The following CCDC171 variants were observed in gnomAD, a reference collection of about 807,000 sequenced individuals.
The protein encoded by CCDC171 is coiled-coil domain containing 171.
Under a neutral mutation model 168.2 loss-of-function variants are expected in CCDC171, and 177 were observed. That is an observed-to-expected ratio of 1.05 (90% CI 0.93 to 1.19). CCDC171 has a LOEUF of 1.19. CCDC171 is among the 50% of genes most tolerant of loss of function. The probability of loss-of-function intolerance (pLI) is 0.00; values close to 1 mark genes in which losing one functional copy is unlikely to be tolerated. For synonymous variants in CCDC171, 687 were observed against 540.8 expected, an observed-to-expected ratio of 1.27 and a Z score of -3.75; for missense variants, 1,991 against 1,539.0, an observed-to-expected ratio of 1.29 and a Z score of -4.91.
intron 21 of CCDC171, among the ~76,000 whole-genome samples, chr9:15,827,375 C>T (rs1332940648): frequency 6.6e-6 from 1 of 152,068 alleles, no homozygotes; most frequent in Non-Finnish European, 1.5e-5. Context: ...AGTGGTTTTA[C>T]AACTTGAGCC....
chr9:15,881,533 A>G (rs969138820), intron 24 of CCDC171, among the ~76,000 whole-genome samples: 2 of 152,166 alleles, frequency 1.3e-5, no homozygotes, highest in East Asian at 1.9e-4. Flanking sequence ...ATTATTGTAA[A>G]CTGTAGTTAC....
chr9:15,630,755 G>T (rs1164960307), intron 7 of CCDC171, among the ~76,000 whole-genome samples: 1 of 152,020 alleles, frequency 6.6e-6, no homozygotes, highest in Non-Finnish European at 1.5e-5. Flanking sequence ...CTCCAAAATT[G>T]ACCACATAGT....
chr9:15,906,512 G>A (rs369445905), intron 24 of CCDC171, among the ~76,000 whole-genome samples: 2 of 152,276 alleles, frequency 1.3e-5, no homozygotes, highest in East Asian at 3.9e-4. Flanking sequence ...AGGTATTGAT[G>A]GGACTTATCT....
chr9:15,616,892 T>C (rs1203996167), intron 6 of CCDC171, among the ~76,000 whole-genome samples: 1 of 152,190 alleles, frequency 6.6e-6, no homozygotes, highest in Admixed American at 6.5e-5. Context: ...GACTGGGTAA[T>C]TTATAAAGGA....
chr9:15,762,112 G>T (rs1458437872), intron 18 of CCDC171, among the ~76,000 whole-genome samples: 1 of 147,082 alleles, frequency 6.8e-6, no homozygotes, highest in Non-Finnish European at 1.5e-5. Flanking sequence ...AACACATTTT[G>T]TAGTTTATGG....
In CCDC171 at chr9:15,869,748, A is replaced by G. The variant is rs79610569; in HGVS notation, c.3469-4784A>G. 6.0e-3 allele frequency among the ~76,000 whole-genome samples: 913 copies of G among 151,924 alleles called. 14 individuals carry two copies. The highest frequency in any genetic ancestry group is 0.021 in the African/African-American group (859 of 41,502). Reference sequence around the variant, plus strand: ...CCAGTCAAGATGTGTACTAGACTATATAAAACTTGAAAATGTATCAGGAGA... The same window carrying G: ...CCAGTCAAGATGTGTACTAGACTATGTAAAACTTGAAAATGTATCAGGAGA... On this transcript the variant is annotated intron_variant, in intron 23 of 25. Coordinates refer to ENST00000380701, the MANE Select transcript of CCDC171 (RefSeq NM_173550.4).
intron 1 of CCDC171, among the ~76,000 whole-genome samples, chr9:16,051,107 A>G (rs1476728292): frequency 6.6e-6 from 1 of 152,220 alleles, no homozygotes; most frequent in Non-Finnish European, 1.5e-5. Context: ...TGTTTCTCAA[A>G]TAAATTCCCC....
chr9:15,805,785 C>G (rs762698831), intron 21 of CCDC171, among the ~76,000 whole-genome samples: 11 of 152,070 alleles, frequency 7.2e-5, no homozygotes, highest in Non-Finnish European at 1.0e-4. Context: ...GAGCTAAGTT[C>G]AGGTCCTGAA....
chr9:15,613,583 C>G lies in CCDC171; in HGVS notation c.676-9684C>G, dbSNP rs1268992278. On this transcript the variant is annotated intron_variant, in intron 6 of 25. Transcript: ENST00000380701. ...CTGTCGCCAGGCTGGAGTGCAGTGA[C>G]ACGGTCTTGGCTAACTGCAGCCTCC... Among the ~76,000 whole-genome samples the G allele has an allele frequency of 2.0e-5, 3 of 148,848 alleles. No homozygotes were observed. In the East Asian group the frequency reaches 5.9e-4, roughly 29 times the overall value.
At chr9:15,662,834 A>T (rs950074209) in intron 8 of CCDC171, among the ~76,000 whole-genome samples, 1 of 151,930 alleles carries the variant, frequency 6.6e-6, no homozygotes, top group Non-Finnish European at 1.5e-5. Flanking sequence ...TACCAAAATT[A>T]GCTGGGTGTG....
the CCDC171 span, among the ~76,000 whole-genome samples, chr9:16,107,060 A>G: frequency 3.3e-5 from 5 of 152,170 alleles, no homozygotes; most frequent in Admixed American, 3.3e-4. Flanking sequence ...AAAAGAGTAT[A>G]AGGAATTCCT....
At chr9:15,682,436 C>A (rs2050103475) in intron 10 of CCDC171, among the ~76,000 whole-genome samples, 1 of 151,570 alleles carries the variant, frequency 6.6e-6, no homozygotes, top group African/African-American at 2.4e-5. Context: ...AAATATAAAC[C>A]AGCTAAATTT....
intron 16 of CCDC171, among the ~76,000 whole-genome samples, chr9:15,734,487 G>A (rs1056013603): frequency 4.6e-5 from 7 of 152,120 alleles, no homozygotes; most frequent in Admixed American, 3.3e-4. Context: ...GCAATAAGCC[G>A]AGATTGCGCC....
chr9:15,910,731 G>A (rs938851979), intron 24 of CCDC171, among the ~76,000 whole-genome samples: 3 of 151,024 alleles, frequency 2.0e-5, no homozygotes, highest in African/African-American at 7.3e-5. Flanking sequence ...GGTGTGTGAT[G>A]TTCCCCTCCC....
chr9:15,656,193 C>T (rs559145302), intron 7 of CCDC171, among the ~76,000 whole-genome samples: 5 of 151,998 alleles, frequency 3.3e-5, no homozygotes, highest in African/African-American at 7.2e-5. Context: ...GTGGCCGGTA[C>T]GTGTAGTAGT....
chr9:15,649,007 GC>G (rs920306708), intron 7 of CCDC171, among the ~76,000 whole-genome samples: 11 of 152,126 alleles, frequency 7.2e-5, no homozygotes, highest in Admixed American at 6.6e-5. Flanking sequence ...ATACTACAAG[GC>G]TACAGTAACC....
chr9:15,622,796 A>G (rs2044607226), intron 6 of CCDC171, among the ~76,000 whole-genome samples: 1 of 152,224 alleles, frequency 6.6e-6, no homozygotes, highest in African/African-American at 2.4e-5. Flanking sequence ...ACAGCCATCT[A>G]GTGGATGCAA....
chr9:15,859,897 GC>G (rs1490621171), intron 23 of CCDC171, among the ~76,000 whole-genome samples: 2 of 151,498 alleles, frequency 1.3e-5, no homozygotes, highest in African/African-American at 4.9e-5. Context: ...TGAACTCCTA[GC>G]CTCAAGCACT....
chr9:15,959,969 C>G (rs926367945), intron 25 of CCDC171, among the ~76,000 whole-genome samples: 1 of 152,146 alleles, frequency 6.6e-6, no homozygotes, highest in East Asian at 1.9e-4. Flanking sequence ...CCCATATGAC[C>G]TAGCAAGCCC....
Sources: allele counts gnomAD v4.1 joint callset (sites outside exome capture counted in the v4.1 genomes callset), GRCh38; gene constraint gnomAD v4.1.1; transcripts MANE v1.5; gene names NCBI Gene and HGNC (gene_info 2026-07-23, HGNC 2026-07-21).